The following GSE1 variants were observed in gnomAD, a reference collection of about 807,000 sequenced individuals.
GSE1 encodes Gse1 coiled-coil protein.
GSE1 carries 32 observed loss-of-function variants against 112.6 expected under a neutral mutation model. That is an observed-to-expected ratio of 0.28 (90% CI 0.21 to 0.38). GSE1 has a LOEUF of 0.38. Ranked by LOEUF, GSE1 falls within the 10% of genes least tolerant of loss-of-function variation. GSE1 has a pLI of 1.00. For missense variants in GSE1, 2,348 were observed against 1,699.2 expected (o/e 1.38, Z -6.71); for synonymous variants, 1,115 against 735.6 (o/e 1.52, Z -8.35).
intron 1 of GSE1, among the ~76,000 whole-genome samples, chr16:85,563,100 G>A (rs781636414): frequency 2.0e-5 from 3 of 152,152 alleles, no homozygotes; most frequent in Non-Finnish European, 4.4e-5. Flanking sequence ...GAAGCTGTAG[G>A]GGCACCGTGT....
At chr16:85,380,319 G>C (rs926607403) in intron 2 of GSE1, among the ~76,000 whole-genome samples, 2 of 152,168 alleles carry the variant, frequency 1.3e-5, no homozygotes, top group Non-Finnish European at 2.9e-5. Context: ...TGGAGGCAGA[G>C]GGAGACAAGT....
intron 1 of GSE1, among the ~76,000 whole-genome samples, chr16:85,245,790 G>T (rs1350668180): frequency 6.6e-6 from 1 of 152,090 alleles, no homozygotes; most frequent in Non-Finnish European, 1.5e-5. Flanking sequence ...TCCAGCTCTG[G>T]CAGTTCCAGG....
At chr16:85,362,778 C>T (rs915449046) in intron 2 of GSE1, among the ~76,000 whole-genome samples, 1 of 151,600 alleles carries the variant, frequency 6.6e-6, no homozygotes, top group African/African-American at 2.4e-5. Context: ...GCCACGTGGG[C>T]CCTGGGTATC....
At chr16:85,645,887 T>C (rs964097815) in intron 2 of GSE1, among the ~76,000 whole-genome samples, 6 of 150,602 alleles carry the variant, frequency 4.0e-5, no homozygotes, top group African/African-American at 9.9e-5. Flanking sequence ...TATGCATGCA[T>C]TCTACCATGC....
At chr16:85,610,111 C>G (rs1041861296), upstream of GSE1, among the ~76,000 whole-genome samples, 2 of 152,188 alleles carry the variant, frequency 1.3e-5, no homozygotes, top group African/African-American at 4.8e-5. Flanking sequence ...CTTGGAGGCA[C>G]AGTTTAGCTT....
chr16:85,220,256 C>T (rs2075368750), intron 1 of GSE1, among the ~76,000 whole-genome samples: 1 of 152,206 alleles, frequency 6.6e-6, no homozygotes, highest in African/African-American at 2.4e-5. Context: ...GAAAATGGCA[C>T]TTGGTTTCAG....
At chr16:85,290,859 G>A (rs193087797) in intron 1 of GSE1, among the ~76,000 whole-genome samples, 96 of 152,230 alleles carry the variant, frequency 6.3e-4, no homozygotes, top group Middle Eastern at 3.4e-3. Context: ...CAGTCCCCTC[G>A]TCCCTGAGCA....
chr16:85,301,644 C>T (rs1003115534), intron 1 of GSE1, among the ~76,000 whole-genome samples: 8 of 152,206 alleles, frequency 5.3e-5, no homozygotes, highest in African/African-American at 1.2e-4. Context: ...ACATCTGTCC[C>T]TCGTCTCGGC....
intron 1 of GSE1, among the ~76,000 whole-genome samples, chr16:85,257,740 C>A (rs905471614): frequency 6.6e-6 from 1 of 152,172 alleles, no homozygotes; most frequent in African/African-American, 2.4e-5. Flanking sequence ...GAGCCCAGTC[C>A]TTTGAGTGAG....
chr16:85,610,970 G>A (rs1055118905), upstream of GSE1, among the ~76,000 whole-genome samples: 7 of 152,222 alleles, frequency 4.6e-5, no homozygotes, highest in African/African-American at 1.7e-4. Flanking sequence ...TTTGTGGTTG[G>A]CCGTCGTGGT....
intron 1 of GSE1, among the ~76,000 whole-genome samples, chr16:85,248,911 G>C (rs1445450825): frequency 1.3e-5 from 2 of 152,194 alleles, no homozygotes; most frequent in Non-Finnish European, 2.9e-5. Context: ...CGTGGAGTTA[G>C]TGCTCAACTG....
intron 2 of GSE1, among the ~76,000 whole-genome samples, chr16:85,496,273 G>A (rs967942845): frequency 4.6e-5 from 7 of 152,260 alleles, no homozygotes; most frequent in South Asian, 4.1e-4. Flanking sequence ...AGGGATGAGC[G>A]ATGGGCCGCC....
intron 1 of GSE1, among the ~76,000 whole-genome samples, chr16:85,191,725 C>G (rs1481971849): frequency 6.6e-6 from 1 of 152,144 alleles, no homozygotes; most frequent in Non-Finnish European, 1.5e-5. Context: ...CGAGTAGAGG[C>G]CGGAACTTAT....
At chr16:85,257,942 C>G (rs1907256416) in intron 1 of GSE1, among the ~76,000 whole-genome samples, 1 of 152,224 alleles carries the variant, frequency 6.6e-6, no homozygotes, top group Non-Finnish European at 1.5e-5. Flanking sequence ...CCTGGAGATT[C>G]CAGGGGCCTA....
chr16:85,268,890 C>G (rs1326641797), intron 1 of GSE1, among the ~76,000 whole-genome samples: 1 of 125,930 alleles, frequency 7.9e-6, no homozygotes, highest in Non-Finnish European at 2.0e-5. Flanking sequence ...AGGATGGGAC[C>G]CATTTCTACT....
At chr16:85,528,224 ATG>A (rs909756268) in intron 2 of GSE1, among the ~76,000 whole-genome samples, 1 of 152,236 alleles carries the variant, frequency 6.6e-6, no homozygotes, top group African/African-American at 2.4e-5. Flanking sequence ...ACAGATGAAT[ATG>A]TGTTAGGTTG....
At chr16:85,355,824 C>T (rs1419566866) in intron 1 of GSE1, among the ~76,000 whole-genome samples, 1 of 152,108 alleles carries the variant, frequency 6.6e-6, no homozygotes, top group Non-Finnish European at 1.5e-5. Flanking sequence ...AGTTCGAAAC[C>T]AGTCTGGCCA....
intron 2 of GSE1, among the ~76,000 whole-genome samples, chr16:85,514,438 C>T (rs867585450): frequency 7.9e-5 from 4 of 50,952 alleles, no homozygotes; most frequent in Admixed American, 1.9e-4. Flanking sequence ...CCCCCCCCCA[C>T]CCCAGGGCAG....
chr16:85,603,172 C>T (rs1260920918), intron 1 of GSE1, among the ~76,000 whole-genome samples: 1 of 152,218 alleles, frequency 6.6e-6, no homozygotes, highest in Non-Finnish European at 1.5e-5. Flanking sequence ...TCAGTGAGGA[C>T]AAAAATAGGT....
Sources: gnomAD v4.1 joint callset for allele counts (sites outside exome capture counted in the v4.1 genomes callset) on GRCh38, gnomAD v4.1.1 for gene constraint, MANE v1.5 for transcripts, NCBI Gene and HGNC (gene_info 2026-07-23, HGNC 2026-07-21) for gene names.